Variants in MAP3K7 observed in about 807,000 individuals in gnomAD.
MAP3K7 encodes the protein TGF-beta activated kinase 1.
MAP3K7 carries 21 observed loss-of-function variants against 84.8 expected under a neutral mutation model. The ratio of observed to expected loss-of-function variants is 0.25; its 90% CI spans 0.18 to 0.36. MAP3K7 has a LOEUF of 0.36. Among genes scored for constraint, MAP3K7 ranks in the 10% least tolerant of loss-of-function variants. The probability of loss-of-function intolerance (pLI) is 1.00; values close to 1 mark genes in which losing one functional copy is unlikely to be tolerated. For missense variants in MAP3K7, 503 were observed against 747.7 expected (o/e 0.67, Z 3.82); for synonymous variants, 241 against 247.7 (o/e 0.97, Z 0.25).
At chr6:90,573,734 A>G (rs1305195251) in intron 1 of MAP3K7, among the ~76,000 whole-genome samples, 1 of 152,254 alleles carries the variant, frequency 6.6e-6, no homozygotes, top group Admixed American at 6.5e-5. Context: ...AGCCTAGAGC[A>G]CCTAATGATG....
At chr6:90,570,891 T>A (rs1298705341) in intron 2 of MAP3K7, among the ~76,000 whole-genome samples, 1 of 152,226 alleles carries the variant, frequency 6.6e-6, no homozygotes, top group East Asian at 1.9e-4. Context: ...AGAAATCATC[T>A]TTCTTCATGC....
Position 90,516,657 on chromosome 6 carries a change from G to A in MAP3K7, c.1665C>T (p.Asp555=). The A allele has an allele frequency of 6.2e-7, 1 of 1,603,432 alleles. No individual in the cohort carries two copies. Among genetic ancestry groups the A allele is most frequent in the Admixed American group, 1.7e-5 (1 of 57,248 alleles). ...QRKQELVAEL[D]QDEKDQQNTS... is the part of the protein sequence containing the mutation. ...TATTTTGCTGGTCCTTTTCATCCTG[G>A]TCCAGTTCTGCAACTAGTTCTTGCC... The change falls in exon 17 of 17, where the codon GAC becomes GAT. Residue 555 remains aspartate, a synonymous_variant. Transcript: ENST00000369329.
intron 1 of MAP3K7, among the ~76,000 whole-genome samples, chr6:90,572,485 A>T (rs923049704): frequency 2.0e-5 from 3 of 152,056 alleles, no homozygotes; most frequent in Admixed American, 2.0e-4. Flanking sequence ...AGGCAAATCT[A>T]TAGATAGATA....
Position 90,547,401 on chromosome 6 carries a change from A to G in MAP3K7, c.1081-14T>C. 1 of 1,606,956 alleles carries G rather than the reference A, an allele frequency of 6.2e-7. No homozygotes were observed. Among genetic ancestry groups the G allele is most frequent in the Non-Finnish European group, 8.5e-7 (1 of 1,177,744 alleles). On this transcript the variant is annotated splice_polypyrimidine_tract_variant and intron_variant, in intron 10 of 16. Coordinates refer to ENST00000369329, the MANE Select transcript of MAP3K7 (RefSeq NM_145331.3). ...TCCAGATTCACTCTGTTAAAATTAC[A>G]GGTCAATCTGAATTACTGAAGTTCT...
At chr6:90,546,561 C>T (rs35446484) in intron 11 of MAP3K7, among the ~76,000 whole-genome samples, 8 of 152,156 alleles carry the variant, frequency 5.3e-5, no homozygotes, top group African/African-American at 9.6e-5. Context: ...AAACCAAAAA[C>T]GTCCAAATTA....
intron 5 of MAP3K7, among the ~76,000 whole-genome samples, chr6:90,559,438 T>C (rs983512703): frequency 2.0e-5 from 3 of 151,316 alleles, no homozygotes; most frequent in Non-Finnish European, 1.5e-5. Flanking sequence ...CACAGGTGCA[T>C]AAAAGAAAAA....
At chr6:90,522,039 T>A (rs1775168411) in intron 14 of MAP3K7, among the ~76,000 whole-genome samples, 1 of 152,204 alleles carries the variant, frequency 6.6e-6, no homozygotes, top group African/African-American at 2.4e-5. Flanking sequence ...ATATTTTTCT[T>A]ACAAATACTG....
At chr6:90,583,147 T>C (rs1397421017) in intron 1 of MAP3K7, among the ~76,000 whole-genome samples, 1 of 152,192 alleles carries the variant, frequency 6.6e-6, no homozygotes, top group East Asian at 1.9e-4. Context: ...CCCTCCAAAG[T>C]GCTCGGATTA....
intron 1 of MAP3K7, among the ~76,000 whole-genome samples, chr6:90,584,618 T>C (rs760486730): frequency 2.0e-5 from 3 of 152,156 alleles, no homozygotes; most frequent in Non-Finnish European, 4.4e-5. Context: ...AAATGATAAC[T>C]ACCTCCTTAG....
At chr6:90,532,630 G>C (rs2127962498) in intron 13 of MAP3K7, among the ~76,000 whole-genome samples, 1 of 152,246 alleles carries the variant, frequency 6.6e-6, no homozygotes, top group Non-Finnish European at 1.5e-5. Flanking sequence ...GAGAATTCTT[G>C]AATATAGATC....
chr6:90,535,278 T>C (rs1336443750), intron 13 of MAP3K7, among the ~76,000 whole-genome samples: 1 of 151,920 alleles, frequency 6.6e-6, no homozygotes, highest in African/African-American at 2.4e-5. Context: ...ATTTTAAGTA[T>C]ATTATACAAA....
Position 90,552,073 on chromosome 6 carries a change from C to T in MAP3K7, c.843G>A (p.Val281=), listed in dbSNP as rs1776195381. ...PSQRPSMEEI[V]KIMTHLMRYF... ...CCCGCATCAAGTGAGTCATTATTTTCACAATTTCCTCCATTGAAGGGCGCT... is the reference window on the plus strand; with the variant it reads ...CCCGCATCAAGTGAGTCATTATTTTTACAATTTCCTCCATTGAAGGGCGCT... The change falls in exon 8 of 17, where the codon GTG becomes GTA. Residue 281 remains valine (V), a synonymous_variant. Coordinates refer to ENST00000369329, the MANE Select transcript of MAP3K7 (RefSeq NM_145331.3). The T allele has an allele frequency of 1.2e-6, 2 of 1,610,994 alleles. No individual in the cohort carries two copies. Among genetic ancestry groups the T allele is most frequent in the Non-Finnish European group, 1.7e-6 (2 of 1,177,644 alleles).
chr6:90,536,463 A>G (rs1434691994), intron 12 of MAP3K7, 62 bp from the exon 13 acceptor site: 2 of 1,269,804 alleles, frequency 1.6e-6, no homozygotes, highest in Non-Finnish European at 2.3e-6. Flanking sequence ...AAAGCGTGTA[A>G]TTGCTACAGC....
intron 13 of MAP3K7, 36 bp from the exon 14 acceptor site, chr6:90,523,819 T>C (rs1294733455): frequency 8.2e-7 from 1 of 1,222,430 alleles, no homozygotes; most frequent in South Asian, 1.2e-5. Context: ...CAAAATGTGA[T>C]TTTTTGATTA....
At chr6:90,540,999 G>T (rs1222145599) in intron 12 of MAP3K7, among the ~76,000 whole-genome samples, 1 of 151,768 alleles carries the variant, frequency 6.6e-6, no homozygotes, top group African/African-American at 2.4e-5. Flanking sequence ...GTGAAAAATA[G>T]ATTCTTGGAA....
rs1365432543 is a variant in MAP3K7 at position 90,516,616 on chromosome 6, T to G, written c.1706A>C (p.Gln569Pro). ...KDQQNTSRLV[Q>P]EHKKLLDENK... is the part of the protein sequence containing the mutation. ...TTCATCTAAAAGCTTTTTATGTTCC[T>G]GTACCAGGCGAGATGTATTTTGCTG... Residue 569 changes from glutamine (Q) to proline (P), a missense_variant, in exon 17 of 17, where the codon CAG (glutamine) becomes CCG (proline). Gln to Pro is a moderately conservative substitution (Grantham distance 76, BLOSUM62 -1). Around this residue, in one of 5 missense-constraint regions of MAP3K7, gnomAD observed 43 missense variants for 47.3 expected, o/e 0.91. Coordinates refer to ENST00000369329, the MANE Select transcript of MAP3K7 (RefSeq NM_145331.3). The G allele has an allele frequency of 1.2e-6, 2 of 1,612,180 alleles. No individual in the cohort carries two copies. The highest frequency in any genetic ancestry group is 1.7e-6 in the Non-Finnish European group (2 of 1,179,036).
chr6:90,558,061 G>T (rs1052925836), intron 5 of MAP3K7, among the ~76,000 whole-genome samples: 1 of 152,142 alleles, frequency 6.6e-6, no homozygotes, highest in South Asian at 2.1e-4. Flanking sequence ...AGTGGCTCAG[G>T]CCTGTAATCC....
chr6:90,546,058 A>G (rs1775991153), intron 11 of MAP3K7, among the ~76,000 whole-genome samples: 1 of 152,172 alleles, frequency 6.6e-6, no homozygotes, highest in Admixed American at 6.5e-5. Context: ...ATAGGAGACC[A>G]GTTACTTCAA....
At chr6:90,520,510 G>A (rs1340912588) in intron 14 of MAP3K7, among the ~76,000 whole-genome samples, 3 of 151,762 alleles carry the variant, frequency 2.0e-5, no homozygotes, top group Non-Finnish European at 4.4e-5. Context: ...AAATCCTGGC[G>A]TATATTAAGC....
Sources: allele counts gnomAD v4.1 joint callset (sites outside exome capture counted in the v4.1 genomes callset), GRCh38; gene constraint gnomAD v4.1.1; regional missense constraint gnomAD v4.1.1; transcripts MANE v1.5; gene names NCBI Gene and HGNC (gene_info 2026-07-23, HGNC 2026-07-21).